VTA1: variants seen among roughly 807,000 people sequenced by gnomAD.
VTA1 encodes vacuolar protein sorting-associated protein VTA1 homolog.
Under a neutral mutation model 36.9 loss-of-function variants are expected in VTA1, and 24 were observed. The ratio of observed to expected loss-of-function variants is 0.65; its 90% CI spans 0.47 to 0.91. VTA1 has a LOEUF of 0.91. Ranked by LOEUF, VTA1 falls within the 40% of genes least tolerant of loss-of-function variation. VTA1 has a pLI of 0.00. For synonymous variants in VTA1, 142 were observed against 130.2 expected, an observed-to-expected ratio of 1.09 and a Z score of -0.62; for missense variants, 393 against 377.2, an observed-to-expected ratio of 1.04 and a Z score of -0.35.
At chr6:142,150,393 C>A (rs1778545317) in intron 1 of VTA1, among the ~76,000 whole-genome samples, 1 of 152,212 alleles carries the variant, frequency 6.6e-6, no homozygotes, top group Non-Finnish European at 1.5e-5. Flanking sequence ...CTGTTCTTAA[C>A]AAAGCTCCTG....
intron 5 of VTA1, among the ~76,000 whole-genome samples, chr6:142,193,983 G>A (rs1450916183): frequency 6.6e-6 from 1 of 152,064 alleles, no homozygotes; most frequent in Non-Finnish European, 1.5e-5. Context: ...TCTGGACTTA[G>A]TGGTGAGACA....
intron 4 of VTA1, among the ~76,000 whole-genome samples, chr6:142,183,007 A>G (rs1775271432): frequency 6.6e-6 from 1 of 151,234 alleles, no homozygotes; most frequent in Non-Finnish European, 1.5e-5. Context: ...GAGAAGGAAA[A>G]CCCGGAGGTC....
At chr6:142,205,290 A>C (rs1296695878) in intron 7 of VTA1, among the ~76,000 whole-genome samples, 1 of 151,914 alleles carries the variant, frequency 6.6e-6, no homozygotes, top group Non-Finnish European at 1.5e-5. Context: ...CACTTTTTTC[A>C]TTCTTTCTCT....
Position 142,194,182 on chromosome 6 carries a change from C to T in VTA1, c.521-4257C>T, listed in dbSNP as rs189579304. ...ACCTGTTTGGATTTTGGAGTCAACA[C>T]GTTCCTCATTTGGGTGTATTACTCT... On this transcript the variant is annotated intron_variant, in intron 5 of 7. Transcript: ENST00000367630. Among the ~76,000 whole-genome samples, 11 of 152,244 alleles carry T rather than the reference C, an allele frequency of 7.2e-5. No homozygotes were observed. In the East Asian group the frequency reaches 1.9e-3, roughly 27 times the overall value.
At chr6:142,216,262 G>A (rs1776003228) in intron 7 of VTA1, among the ~76,000 whole-genome samples, 1 of 151,930 alleles carries the variant, frequency 6.6e-6, no homozygotes, top group Admixed American at 6.6e-5. Flanking sequence ...CGCTTACTCT[G>A]TTGAGTTTTT....
At chr6:142,217,951 G>T (rs1037246498) in intron 7 of VTA1, among the ~76,000 whole-genome samples, 1 of 151,884 alleles carries the variant, frequency 6.6e-6, no homozygotes, top group African/African-American at 2.4e-5. Context: ...GAAATAATAT[G>T]TAATGGTTGT....
intron 7 of VTA1, among the ~76,000 whole-genome samples, chr6:142,217,117 C>T (rs1280486545): frequency 6.6e-6 from 1 of 152,146 alleles, no homozygotes; most frequent in Non-Finnish European, 1.5e-5. Context: ...AATGCCAAGT[C>T]AGTAACTTCT....
intron 6 of VTA1, among the ~76,000 whole-genome samples, chr6:142,200,126 C>T (rs1262133940): frequency 1.3e-5 from 2 of 152,084 alleles, no homozygotes; most frequent in Non-Finnish European, 1.5e-5. Flanking sequence ...AAAGCATAAA[C>T]TCAGCTGATA....
rs1776083819 is a variant in VTA1, at chr6:142,220,279, G to A, written c.*1636G>A. The stretch of plus-strand genomic sequence containing the variant: ...AGAAAGATGGCCAGGATGACCTTTA[G>A]TGTTACATGATGTTCAGCAAATTTT... On this transcript the variant is annotated 3_prime_UTR_variant, in exon 8 of 8. Coordinates refer to ENST00000367630, the MANE Select transcript of VTA1 (RefSeq NM_016485.5). 6.6e-6 allele frequency: 1 copy of A among 152,200 alleles called. No homozygotes were observed. Among genetic ancestry groups the A allele is most frequent in the Non-Finnish European group, 1.5e-5 (1 of 68,040 alleles). The allele number at this position is 152,200 out of a possible 1,614,324, so 9.4% of individuals were successfully genotyped here. A position where few individuals can be genotyped will look rare whatever the true frequency, so the allele number is the denominator to read the frequency against.
At chr6:142,167,316 C>T (rs1774935347) in intron 2 of VTA1, among the ~76,000 whole-genome samples, 1 of 152,166 alleles carries the variant, frequency 6.6e-6, no homozygotes, top group African/African-American at 2.4e-5. Context: ...TGGACCCAGC[C>T]ATACCTGGTT....
intron 1 of VTA1, among the ~76,000 whole-genome samples, chr6:142,165,575 A>T (rs1774896640): frequency 6.6e-6 from 1 of 152,146 alleles, no homozygotes; most frequent in Non-Finnish European, 1.5e-5. Flanking sequence ...GATCTCTAGG[A>T]CATATTGTTG....
intron 7 of VTA1, among the ~76,000 whole-genome samples, chr6:142,209,235 A>G (rs1000443711): frequency 6.6e-6 from 1 of 152,136 alleles, no homozygotes; most frequent in African/African-American, 2.4e-5. Flanking sequence ...TAGCATTTAT[A>G]TACACCAACA....
chr6:142,169,783 T>C (rs1774994724), intron 3 of VTA1, 106 bp downstream of exon 3: 2 of 1,083,714 alleles, frequency 1.8e-6, no homozygotes, highest in Non-Finnish European at 2.4e-6. Context: ...TTGATTTAGG[T>C]TTTTTTAGAA....
chr6:142,198,102 A>AAT (rs1171969725), intron 5 of VTA1, among the ~76,000 whole-genome samples: 1 of 66,848 alleles, frequency 1.5e-5, no homozygotes, highest in Non-Finnish European at 3.3e-5. Flanking sequence ...GTCTCAAAAA[A>AAT]AAATATATAT....
At chr6:142,147,755 G>C (rs1299751008) in intron 1 of VTA1, among the ~76,000 whole-genome samples, 1 of 152,246 alleles carries the variant, frequency 6.6e-6, no homozygotes, top group Non-Finnish European at 1.5e-5. Flanking sequence ...ACGAAGGTGA[G>C]TGTCCGAAAG....
intron 6 of VTA1, 156 bp downstream of exon 6, chr6:142,198,771 T>A: frequency 1.5e-6 from 1 of 659,978 alleles, no homozygotes; most frequent in Non-Finnish European, 2.4e-6. Flanking sequence ...TTATTTTCAT[T>A]AAAATTTTAA....
chr6:142,209,004 G>T (rs1228371163), intron 7 of VTA1, among the ~76,000 whole-genome samples: 3 of 152,096 alleles, frequency 2.0e-5, no homozygotes, highest in Admixed American at 1.3e-4. Context: ...CAATTTTATA[G>T]TATAGAGAAT....
Position 142,169,565 on chromosome 6 carries a change from G to A in VTA1, c.223G>A (p.Gly75Ser). Residue 75 changes from glycine (G) to serine (S), a missense_variant, in exon 3 of 8, where the codon GGT (glycine) becomes AGT (serine). Coordinates refer to ENST00000367630, the MANE Select transcript of VTA1 (RefSeq NM_016485.5). ...DQLEALKKQL[G>S]DNEAITQEIV... Reference sequence around the variant, plus strand: ...TTTATTTTAGCTAAAGAAGCAGTTGGGTGATAATGAAGCTATTACTCAAGA... The same window carrying A: ...TTTATTTTAGCTAAAGAAGCAGTTGAGTGATAATGAAGCTATTACTCAAGA... 2 of 1,606,934 alleles carry A rather than the reference G, an allele frequency of 1.2e-6. No homozygotes were observed. Among genetic ancestry groups the A allele is most frequent in the Non-Finnish European group, 1.7e-6 (2 of 1,178,500 alleles).
Position 142,174,031 on chromosome 6 carries a change from T to G in VTA1, c.411+3610T>G, listed in dbSNP as rs562441825. ...GCGTCTTTGTTGGTGGATAAAGGATTCCAGATAGTTGGAGGGGTCTGGAAT... is the reference window on the plus strand; with the variant it reads ...GCGTCTTTGTTGGTGGATAAAGGATGCCAGATAGTTGGAGGGGTCTGGAAT... On this transcript the variant is annotated intron_variant, in intron 4 of 7. Transcript: ENST00000367630. 2.5e-4 allele frequency among the ~76,000 whole-genome samples: 38 copies of G among 152,260 alleles called. 1 individual carries two copies. In the South Asian group the frequency reaches 7.3e-3, roughly 29 times the overall value.
Sources: allele counts gnomAD v4.1 joint callset (sites outside exome capture counted in the v4.1 genomes callset), GRCh38; gene constraint gnomAD v4.1.1; transcripts MANE v1.5; gene names NCBI Gene and HGNC (gene_info 2026-07-23, HGNC 2026-07-21).